Variants in PTBP2 observed in about 807,000 individuals in gnomAD.
The protein encoded by PTBP2 is polypyrimidine tract binding protein 2, also known as polypyrimidine tract-binding protein 2.
In PTBP2, 13 loss-of-function variants were observed where a neutral mutation model predicts 61.4. The ratio of observed to expected loss-of-function variants is 0.21; its 90% confidence interval spans 0.14 to 0.34. The LOEUF is 0.34. Among genes scored for constraint, PTBP2 ranks in the 10% least tolerant of loss-of-function variants. The probability of loss-of-function intolerance (pLI) is 1.00; values close to 1 mark genes in which losing one functional copy is unlikely to be tolerated. For missense variants in PTBP2, 405 were observed against 642.6 expected, an observed-to-expected ratio of 0.63 and a Z score of 4.00; for synonymous variants, 215 against 218.5, an observed-to-expected ratio of 0.98 and a Z score of 0.14.
chr1:96,794,445 T>C (rs1366383435), intron 8 of PTBP2, among the ~76,000 whole-genome samples: 1 of 150,232 alleles, frequency 6.7e-6, no homozygotes, highest in African/African-American at 2.4e-5. Flanking sequence ...GTATAAAATA[T>C]GATTCTTTCC....
intron 8 of PTBP2, among the ~76,000 whole-genome samples, chr1:96,788,002 T>C (rs1318179454): frequency 1.3e-5 from 2 of 152,206 alleles, no homozygotes; most frequent in Non-Finnish European, 2.9e-5. Flanking sequence ...TGATATTAAC[T>C]TAAACTAACA....
chr1:96,732,956 G>C (rs1651636403), intron 2 of PTBP2, among the ~76,000 whole-genome samples: 1 of 151,806 alleles, frequency 6.6e-6, no homozygotes, highest in Non-Finnish European at 1.5e-5. Context: ...TCATCTGGTA[G>C]GCATTATTCT....
intron 5 of PTBP2, chr1:96,771,498 A>C (rs1657375758): frequency 6.6e-6 from 1 of 151,974 alleles, no homozygotes; most frequent in African/African-American, 2.4e-5. Context: ...ACTGTTCCTC[A>C]TAGATTTTTG....
intron 3 of PTBP2, among the ~76,000 whole-genome samples, chr1:96,766,332 A>G (rs1206316208): frequency 1.3e-5 from 2 of 152,238 alleles, no homozygotes; most frequent in African/African-American, 2.4e-5. Flanking sequence ...CATAAATAAA[A>G]GCATTACCTC....
chr1:96,744,478 T>A (rs1463786625), intron 2 of PTBP2, among the ~76,000 whole-genome samples: 1 of 152,152 alleles, frequency 6.6e-6, no homozygotes, highest in Non-Finnish European at 1.5e-5. Context: ...AAATGTCTTA[T>A]TACATAGAAC....
intron 3 of PTBP2, among the ~76,000 whole-genome samples, chr1:96,760,020 T>C (rs965847229): frequency 6.6e-6 from 1 of 152,150 alleles, no homozygotes; most frequent in African/African-American, 2.4e-5. Flanking sequence ...CTTACTTCAC[T>C]GTCACGAGAA....
chr1:96,774,089 A>G (rs1053709717), intron 5 of PTBP2, among the ~76,000 whole-genome samples: 5 of 151,766 alleles, frequency 3.3e-5, no homozygotes, highest in Non-Finnish European at 7.4e-5. Context: ...ACTGCACTCC[A>G]GCCTCAGCAA....
intron 3 of PTBP2, among the ~76,000 whole-genome samples, chr1:96,760,429 A>AAAATAGTT (rs1655674889): frequency 1.3e-5 from 2 of 151,362 alleles, no homozygotes; most frequent in East Asian, 3.9e-4. Context: ...CATAGTTGGG[A>AAAATAGTT]AAATAGTTTG....
intron 3 of PTBP2, among the ~76,000 whole-genome samples, chr1:96,765,079 C>A (rs1044590902): frequency 6.6e-6 from 1 of 152,134 alleles, no homozygotes; most frequent in African/African-American, 2.4e-5. Flanking sequence ...GTTTCTCATA[C>A]AGGAAAGAGT....
intron 8 of PTBP2, among the ~76,000 whole-genome samples, chr1:96,796,178 C>A (rs572932207): frequency 3.0e-4 from 45 of 151,670 alleles, no homozygotes; most frequent in African/African-American, 1.0e-3. Flanking sequence ...ATTGGCTGGG[C>A]ATGGTGGCTC....
chr1:96,772,555 A>G (rs1369917322), intron 5 of PTBP2, among the ~76,000 whole-genome samples: 5 of 151,938 alleles, frequency 3.3e-5, no homozygotes, highest in Non-Finnish European at 5.9e-5. Flanking sequence ...TTTGACCATC[A>G]TCACCCCTTC....
At chr1:96,778,085 T>C (rs1321152063) in intron 7 of PTBP2, 139 bp downstream of exon 7, 1 of 377,570 alleles carries the variant, frequency 2.6e-6, no homozygotes, top group Non-Finnish European at 4.8e-6. Context: ...TTAAGAAACC[T>C]TAATATTTGT....
intron 8 of PTBP2, among the ~76,000 whole-genome samples, chr1:96,797,897 A>G (rs1285642487): frequency 6.6e-6 from 1 of 152,110 alleles, no homozygotes; most frequent in Non-Finnish European, 1.5e-5. Context: ...CCAGAGATAC[A>G]GAGGGCTGAC....
intron 4 of PTBP2, 49 bp from the exon 5 acceptor site, chr1:96,770,659 A>T: frequency 6.8e-7 from 1 of 1,460,746 alleles, no homozygotes; most frequent in Non-Finnish European, 9.5e-7. Flanking sequence ...TTAGATATTA[A>T]TTTTATTTGA....
intron 3 of PTBP2, among the ~76,000 whole-genome samples, chr1:96,752,937 C>T (rs1483476096): frequency 6.6e-6 from 1 of 152,130 alleles, no homozygotes; most frequent in Non-Finnish European, 1.5e-5. Context: ...GACTATTTTA[C>T]TGCTCTAAAC....
chr1:96,798,186 A>C (rs1660587201), intron 8 of PTBP2, among the ~76,000 whole-genome samples: 1 of 151,946 alleles, frequency 6.6e-6, no homozygotes, highest in Admixed American at 6.6e-5. Flanking sequence ...TGGGCATATC[A>C]CTTGAGATCA....
chr1:96,764,825 G>C (rs1656476529), intron 3 of PTBP2, among the ~76,000 whole-genome samples: 1 of 152,130 alleles, frequency 6.6e-6, no homozygotes, highest in East Asian at 1.9e-4. Context: ...TTATCTTCTT[G>C]TATATAAAGG....
At chr1:96,804,712 G>A in intron 8 of PTBP2, 88 bp from the exon 9 acceptor site, 1 of 1,319,242 alleles carries the variant, frequency 7.6e-7, no homozygotes, top group South Asian at 1.5e-5. Flanking sequence ...AAGCCATGCA[G>A]CCATCGTGCT....
intron 8 of PTBP2, among the ~76,000 whole-genome samples, chr1:96,793,362 A>T (rs1030407804): frequency 2.0e-5 from 3 of 151,960 alleles, no homozygotes; most frequent in Non-Finnish European, 4.4e-5. Context: ...TAAATTGTTT[A>T]TTTTTTATTT....
Sources: gnomAD v4.1 joint callset for allele counts (sites outside exome capture counted in the v4.1 genomes callset) on GRCh38, gnomAD v4.1.1 for gene constraint, MANE v1.5 for transcripts, NCBI Gene and HGNC (gene_info 2026-07-23, HGNC 2026-07-21) for gene names.